Variants in HDAC9 observed in about 807,000 individuals in gnomAD.
HDAC9 encodes the protein MEF-2 interacting transcription repressor (MITR) protein.
HDAC9 carries 41 observed loss-of-function variants against 139.4 expected under a neutral mutation model. The ratio of observed to expected loss-of-function variants is 0.29; its 90% CI spans 0.23 to 0.38. The LOEUF (loss-of-function observed/expected upper bound fraction) is 0.38. HDAC9 is among the 10% of genes least tolerant of loss of function. The pLI, the probability that HDAC9 is intolerant of heterozygous loss-of-function variation, is 1.00. For missense variants in HDAC9, 1,147 were observed against 1,297.0 expected (o/e 0.88, Z 1.78); for synonymous variants, 517 against 476.2 (o/e 1.09, Z -1.12).
At chr7:18,992,801 T>TATCA (rs1479680215) in intron 25 of HDAC9, among the ~76,000 whole-genome samples, 1 of 152,192 alleles carries the variant, frequency 6.6e-6, no homozygotes, top group African/African-American at 2.4e-5. Context: ...GACAGAAAAC[T>TATCA]ATCAGTGTTC....
At chr7:18,400,329 A>AACTG (rs1787421706) in intron 1 of HDAC9, among the ~76,000 whole-genome samples, 1 of 152,224 alleles carries the variant, frequency 6.6e-6, no homozygotes, top group Non-Finnish European at 1.5e-5. Flanking sequence ...TTTCCAACAT[A>AACTG]ACTGCTGTTC....
intron 25 of HDAC9, among the ~76,000 whole-genome samples, chr7:18,976,197 T>C (rs1309623818): frequency 2.0e-5 from 3 of 152,214 alleles, no homozygotes; most frequent in East Asian, 3.8e-4. Context: ...GGGGATGAGA[T>C]AAATGGTGAG....
At chr7:18,205,807 G>T (rs1185021668) in intron 2 of HDAC9, among the ~76,000 whole-genome samples, 1 of 152,054 alleles carries the variant, frequency 6.6e-6, no homozygotes, top group Non-Finnish European at 1.5e-5. Flanking sequence ...GATATTATTT[G>T]TGACAGTCTA....
intron 6 of HDAC9, among the ~76,000 whole-genome samples, chr7:18,612,201 C>T (rs1837352816): frequency 6.6e-6 from 1 of 151,954 alleles, no homozygotes. Context: ...TTAAATATTC[C>T]ATATAGAGGC....
intron 1 of HDAC9, among the ~76,000 whole-genome samples, chr7:18,142,910 T>G (rs1279689508): frequency 1.3e-5 from 2 of 152,206 alleles, no homozygotes; most frequent in Non-Finnish European, 2.9e-5. Context: ...GGAGCCTCCT[T>G]CCTTATAACC....
At chr7:18,773,396 C>T (rs1185693523) in intron 16 of HDAC9, among the ~76,000 whole-genome samples, 1 of 123,160 alleles carries the variant, frequency 8.1e-6, no homozygotes, top group Admixed American at 8.5e-5. Context: ...CACACACACA[C>T]ACACACACAC....
Position 18,865,350 on chromosome 7 carries a change from GCC to G in HDAC9, c.2685-9127_2685-9126del, listed in dbSNP as rs1179163636. Reference sequence around the variant, plus strand: ...GGGTTTGAGAAAGAGACAGGGAGCTGCCAAAGATGAAAAATTGAGGCAATAAA... The same window carrying G: ...GGGTTTGAGAAAGAGACAGGGAGCTGAAAGATGAAAAATTGAGGCAATAAA... On this transcript the variant is annotated intron_variant, in intron 21 of 25. Coordinates refer to ENST00000686413, the MANE Select transcript of HDAC9 (RefSeq NM_178425.4). 4.6e-3 allele frequency among the ~76,000 whole-genome samples: 693 copies of G among 152,238 alleles called. 2 individuals carry two copies. The highest frequency in any genetic ancestry group is 0.016 in the African/African-American group (670 of 41,534).
intron 17 of HDAC9, among the ~76,000 whole-genome samples, chr7:18,803,647 G>A (rs1472437767): frequency 6.6e-6 from 1 of 152,108 alleles, no homozygotes; most frequent in African/African-American, 2.4e-5. Context: ...TCAGCTGATA[G>A]TCTGATGATC....
chr7:18,960,565 A>G (rs1783461582), intron 24 of HDAC9, among the ~76,000 whole-genome samples: 1 of 152,158 alleles, frequency 6.6e-6, no homozygotes, highest in Non-Finnish European at 1.5e-5. Flanking sequence ...GATAACTCAT[A>G]GGTAAAATAA....
chr7:18,624,000 GC>G (rs1487075084), intron 6 of HDAC9, among the ~76,000 whole-genome samples: 1 of 152,098 alleles, frequency 6.6e-6, no homozygotes, highest in Non-Finnish European at 1.5e-5. Context: ...AGTCCTGTGT[GC>G]TTCTACACAA....
intron 1 of HDAC9, among the ~76,000 whole-genome samples, chr7:18,426,382 A>G (rs957271673): frequency 3.3e-5 from 5 of 152,204 alleles, no homozygotes; most frequent in Non-Finnish European, 7.3e-5. Flanking sequence ...GAAGCAAAGA[A>G]CCTGAATATT....
intron 2 of HDAC9, among the ~76,000 whole-genome samples, chr7:18,252,287 G>A (rs1794966130): frequency 1.3e-5 from 2 of 152,150 alleles, no homozygotes; most frequent in Non-Finnish European, 2.9e-5. Flanking sequence ...GAATGGCCTG[G>A]AGAACTACAG....
chr7:18,882,371 G>A (rs748129354), intron 22 of HDAC9, among the ~76,000 whole-genome samples: 1 of 152,086 alleles, frequency 6.6e-6, no homozygotes, highest in East Asian at 1.9e-4. Flanking sequence ...ATTCAGGGAA[G>A]TCATGGTCTC....
chr7:18,960,143 G>A (rs1317698250), intron 24 of HDAC9, among the ~76,000 whole-genome samples: 1 of 151,942 alleles, frequency 6.6e-6, no homozygotes, highest in Non-Finnish European at 1.5e-5. Flanking sequence ...TTGTTGCAGG[G>A]GAATGTTACA....
chr7:18,617,270 T>C (rs528576775), intron 6 of HDAC9, among the ~76,000 whole-genome samples: 1 of 152,286 alleles, frequency 6.6e-6, no homozygotes, highest in South Asian at 2.1e-4. Flanking sequence ...TTACTGCCTC[T>C]TCTGTTATGT....
chr7:18,913,955 G>A (rs1357131290), intron 22 of HDAC9, among the ~76,000 whole-genome samples: 1 of 151,890 alleles, frequency 6.6e-6, no homozygotes, highest in South Asian at 2.1e-4. Context: ...ACACTACTAT[G>A]GTCTGAATGT....
chr7:18,392,921 A>C (rs1257466895), intron 1 of HDAC9, among the ~76,000 whole-genome samples: 1 of 114,024 alleles, frequency 8.8e-6, no homozygotes, highest in Non-Finnish European at 1.6e-5. Flanking sequence ...ATGACTGGCA[A>C]AAAAAAAAAA....
At chr7:18,500,341 T>TAGCA (rs1191031054) in intron 2 of HDAC9, among the ~76,000 whole-genome samples, 2 of 152,154 alleles carry the variant, frequency 1.3e-5, no homozygotes, top group Non-Finnish European at 2.9e-5. Flanking sequence ...GAGCCCAAAA[T>TAGCA]AGCATGTCAG....
intron 21 of HDAC9, among the ~76,000 whole-genome samples, chr7:18,852,227 G>C (rs1185557995): frequency 6.6e-6 from 1 of 152,224 alleles, no homozygotes; most frequent in African/African-American, 2.4e-5. Context: ...GGGGCTGGGA[G>C]TGAGAATCAC....
Sources: gnomAD v4.1 joint callset for allele counts (sites outside exome capture counted in the v4.1 genomes callset) on GRCh38, gnomAD v4.1.1 for gene constraint, MANE v1.5 for transcripts, NCBI Gene and HGNC (gene_info 2026-07-23, HGNC 2026-07-21) for gene names.